Variants in SND1 observed in about 807,000 individuals in gnomAD.
SND1 encodes staphylococcal nuclease domain-containing protein 1.
SND1 carries 38 observed loss-of-function variants against 121.7 expected under a neutral mutation model. The ratio of observed to expected loss-of-function variants is 0.31; its 90% CI spans 0.24 to 0.41. The LOEUF (loss-of-function observed/expected upper bound fraction) is 0.41, where lower values mean the gene tolerates loss of function less well. Among genes scored for constraint, SND1 ranks in the 10% least tolerant of loss-of-function variants. The probability of loss-of-function intolerance (pLI) is 1.00; values close to 1 mark genes in which losing one functional copy is unlikely to be tolerated. For missense variants in SND1, 868 were observed against 1,184.6 expected (o/e 0.73, Z 3.92); for synonymous variants, 401 against 447.4 (o/e 0.90, Z 1.31).
At chr7:127,909,450 AT>A (rs533026171) in intron 14 of SND1, among the ~76,000 whole-genome samples, 885 of 140,164 alleles carry the variant, frequency 6.3e-3, no homozygotes, top group African/African-American at 8.1e-3. Flanking sequence ...AGTATTTCTG[AT>A]TTTTTTTTTT....
chr7:127,686,479 C>T (rs1795814301), intron 1 of SND1, 134 bp from the exon 2 acceptor site: 1 of 888,150 alleles, frequency 1.1e-6, no homozygotes, highest in Non-Finnish European at 1.7e-6. Context: ...TTTATTTAGT[C>T]ATTCAACAGA....
chr7:127,660,334 G>C (rs1005635743), intron 1 of SND1, among the ~76,000 whole-genome samples: 1 of 152,188 alleles, frequency 6.6e-6, no homozygotes, highest in African/African-American at 2.4e-5. Context: ...AGGCAACTTA[G>C]GGAGCCTCTG....
chr7:127,694,715 G>A (rs990846718), intron 2 of SND1, 113 bp from the exon 3 acceptor site: 1 of 1,257,498 alleles, frequency 8.0e-7, no homozygotes, highest in South Asian at 1.4e-5. Context: ...CCAGCGCAGG[G>A]CCAGGACCAT....
intron 12 of SND1, among the ~76,000 whole-genome samples, chr7:127,859,199 G>A (rs1465943253): frequency 1.3e-5 from 2 of 152,158 alleles, no homozygotes; most frequent in Non-Finnish European, 2.9e-5. Context: ...GCTTGGTTTT[G>A]TCATAATGGC....
At chr7:127,991,791 G>C (rs1802530192) in intron 16 of SND1, among the ~76,000 whole-genome samples, 1 of 152,198 alleles carries the variant, frequency 6.6e-6, no homozygotes. Context: ...CCTAGAGGCT[G>C]TCTCTCTAAT....
Position 127,906,441 on chromosome 7 carries a change from C to T in SND1, c.1527+1622C>T, listed in dbSNP as rs116568358. On this transcript the variant is annotated intron_variant, in intron 14 of 23. Transcript: ENST00000354725. ...TGCATGGCATTCTCAACAATGCTTT[C>T]CTTAATATTTGTCTTTTGGTAAAGC... Among the ~76,000 whole-genome samples the T allele has an allele frequency of 5.9e-3, 895 of 152,182 alleles. 16 individuals carry two copies. The highest frequency in any genetic ancestry group is 0.021 in the African/African-American group (853 of 41,526).
intron 1 of SND1, among the ~76,000 whole-genome samples, chr7:127,653,502 A>G (rs1458574872): frequency 6.6e-6 from 1 of 152,172 alleles, no homozygotes; most frequent in Middle Eastern, 3.2e-3. Flanking sequence ...TTGCTGTTGT[A>G]GAAAGTTTTG....
intron 16 of SND1, among the ~76,000 whole-genome samples, chr7:128,006,662 C>T (rs1440264660): frequency 6.6e-6 from 1 of 152,210 alleles, no homozygotes; most frequent in Non-Finnish European, 1.5e-5. Flanking sequence ...TGTTGTCCCC[C>T]ACACCCAGTG....
At chr7:127,757,103 A>G (rs1797210927) in intron 10 of SND1, among the ~76,000 whole-genome samples, 1 of 152,142 alleles carries the variant, frequency 6.6e-6, no homozygotes, top group African/African-American at 2.4e-5. Context: ...CCATTTCCAG[A>G]TGGCGTTTTT....
chr7:128,014,763 C>T lies in SND1; in HGVS notation c.1779+23707C>T, dbSNP rs1803190939. On this transcript the variant is annotated intron_variant, in intron 16 of 23. Coordinates refer to ENST00000354725, the MANE Select transcript of SND1 (RefSeq NM_014390.4). ...TTTGGCGGGCAGTTGTGAGAGAGAA[C>T]AGTCCACAGCTGTGTCTGCAATTTG... Among the ~76,000 whole-genome samples the T allele has an allele frequency of 2.0e-5, 3 of 152,328 alleles. No individual in the cohort carries two copies. In the South Asian group the frequency reaches 6.2e-4, roughly 32 times the overall value.
At chr7:128,042,270 C>G (rs563105261) in intron 16 of SND1, 1 of 152,356 alleles carries the variant, frequency 6.6e-6, no homozygotes, top group Admixed American at 6.5e-5. Flanking sequence ...CCTCTCTGGC[C>G]CAGCAACTTA....
chr7:128,031,859 C>T (rs1411788764), intron 16 of SND1, among the ~76,000 whole-genome samples: 1 of 150,370 alleles, frequency 6.7e-6, no homozygotes, highest in Admixed American at 6.6e-5. Flanking sequence ...GGCTTCGGCT[C>T]CCGGCGCCCT....
At chr7:127,945,354 G>C (rs1801305412) in intron 15 of SND1, among the ~76,000 whole-genome samples, 1 of 152,104 alleles carries the variant, frequency 6.6e-6, no homozygotes, top group African/African-American at 2.4e-5. Flanking sequence ...AGCCAGACAT[G>C]GTGGCGGGCA....
intron 15 of SND1, among the ~76,000 whole-genome samples, chr7:127,960,554 G>A (rs1200128797): frequency 6.6e-6 from 1 of 152,176 alleles, no homozygotes; most frequent in East Asian, 1.9e-4. Context: ...TCCACCTGAG[G>A]TTAAGTAATG....
chr7:127,819,644 GCTTT>G (rs1431836698), intron 11 of SND1, among the ~76,000 whole-genome samples: 1 of 152,080 alleles, frequency 6.6e-6, no homozygotes, highest in African/African-American at 2.4e-5. Flanking sequence ...CACCTCACCC[GCTTT>G]CTATTTTGGC....
chr7:128,031,040 G>A (rs1792576089), intron 16 of SND1: 1 of 151,186 alleles, frequency 6.6e-6, no homozygotes. Flanking sequence ...GGGGCGGGGA[G>A]GGCAGAGGGG....
At chr7:127,751,169 C>T (rs1054371621) in intron 10 of SND1, among the ~76,000 whole-genome samples, 4 of 151,784 alleles carry the variant, frequency 2.6e-5, no homozygotes, top group East Asian at 1.9e-4. Flanking sequence ...TGTGTGCGCG[C>T]GTGCTGAAAG....
chr7:127,673,179 A>G (rs1795555503), intron 1 of SND1, among the ~76,000 whole-genome samples: 1 of 138,334 alleles, frequency 7.2e-6, no homozygotes, highest in Non-Finnish European at 1.5e-5. Flanking sequence ...ATATAAACAT[A>G]TACTATATAT....
At chr7:127,900,313 A>G (rs1054683786) in intron 13 of SND1, among the ~76,000 whole-genome samples, 1 of 152,228 alleles carries the variant, frequency 6.6e-6, no homozygotes, top group Non-Finnish European at 1.5e-5. Flanking sequence ...TCAGAATAAC[A>G]ATCTACTGTC....
Sources: allele counts gnomAD v4.1 joint callset (sites outside exome capture counted in the v4.1 genomes callset), GRCh38; gene constraint gnomAD v4.1.1; transcripts MANE v1.5; gene names NCBI Gene and HGNC (gene_info 2026-07-23, HGNC 2026-07-21).